The following SUMF1 variants were observed in gnomAD, a reference collection of about 807,000 sequenced individuals.
SUMF1 encodes the protein formylglycine-generating enzyme.
Under a neutral mutation model 47.6 loss-of-function variants are expected in SUMF1, and 48 were observed. The ratio of observed to expected loss-of-function variants is 1.01; its 90% CI spans 0.80 to 1.28. The LOEUF (loss-of-function observed/expected upper bound fraction) is 1.28, where lower values mean the gene tolerates loss of function less well. Ranked by LOEUF, SUMF1 falls within the 50% of genes most tolerant of loss-of-function variation. SUMF1 has a pLI of 0.00. For synonymous variants in SUMF1, 230 were observed against 192.1 expected (o/e 1.20, Z -1.63); for missense variants, 571 against 485.4 (o/e 1.18, Z -1.66).
chr3:4,146,643 G>C lies in SUMF1; in HGVS notation c.1015-77898C>G, dbSNP rs181317967. Among the ~76,000 whole-genome samples the C allele has an allele frequency of 3.2e-3, 485 of 151,646 alleles. 4 individuals carry two copies. The highest frequency in any genetic ancestry group is 0.017 in the Middle Eastern group (5 of 294). Reference sequence around the variant, plus strand: ...GTTGGTGTGCTGCACCCAGTAACTCGTCATTTAACATTAGGTATATCTCCT... The same window carrying C: ...GTTGGTGTGCTGCACCCAGTAACTCCTCATTTAACATTAGGTATATCTCCT... On this transcript the variant is annotated intron_variant and NMD_transcript_variant, in intron 8 of 12. Coordinates refer to the SUMF1 transcript ENST00000448413.
At chr3:4,100,843 G>A (rs1053836695) in intron 8 of SUMF1, among the ~76,000 whole-genome samples, 1 of 151,848 alleles carries the variant, frequency 6.6e-6, no homozygotes, top group Non-Finnish European at 1.5e-5. Context: ...AATGGACAAA[G>A]AACTTTAAAA....
At chr3:4,250,429 T>C (rs945711661) in intron 8 of SUMF1, among the ~76,000 whole-genome samples, 6 of 151,858 alleles carry the variant, frequency 4.0e-5, no homozygotes, top group Non-Finnish European at 8.8e-5. Context: ...AAGTGCAAGG[T>C]GAAGAAGCAA....
intron 9 of SUMF1, among the ~76,000 whole-genome samples, chr3:4,046,978 G>A (rs139664551): frequency 3.9e-5 from 6 of 152,094 alleles, no homozygotes; most frequent in South Asian, 2.1e-4. Context: ...TCACCGCATC[G>A]CTTACCACTA....
At position 4,098,878 on chromosome 3, in the gene SUMF1, T is replaced by C. The variant is rs760059584; in HGVS notation, c.1015-30133A>G. Among the ~76,000 whole-genome samples the C allele has an allele frequency of 1.9e-4, 29 of 152,252 alleles. No individual in the cohort carries two copies. The Middle Eastern group carries it at 0.01, about 54-fold the overall frequency. The stretch of plus-strand genomic sequence containing the variant: ...GAAGCCACAAAGGAATTTCTGACAA[T>C]TGCAATTTTTAAATATGCCAATAAA... On this transcript the variant is annotated intron_variant and NMD_transcript_variant, in intron 8 of 12. Coordinates refer to the SUMF1 transcript ENST00000448413.
At chr3:4,334,092 C>T (rs537409171) in intron 8 of SUMF1, among the ~76,000 whole-genome samples, 1 of 151,672 alleles carries the variant, frequency 6.6e-6, no homozygotes, top group African/African-American at 2.4e-5. Flanking sequence ...TGTGCCACTG[C>T]ACTCTAACCT....
chr3:4,321,170 C>T (rs79383339), intron 8 of SUMF1, among the ~76,000 whole-genome samples: 1,631 of 152,144 alleles, frequency 0.011, 19 homozygotes, highest in African/African-American at 0.036. Context: ...TCAGCATGAA[C>T]TCACATTTAG....
chr3:4,187,229 C>A (rs906210133), intron 8 of SUMF1, among the ~76,000 whole-genome samples: 1 of 152,006 alleles, frequency 6.6e-6, no homozygotes, highest in African/African-American at 2.4e-5. Context: ...CATTAGCCAG[C>A]GCAATGTCAG....
chr3:4,238,491 T>G (rs1296220193), intron 8 of SUMF1, among the ~76,000 whole-genome samples: 2 of 152,214 alleles, frequency 1.3e-5, no homozygotes, highest in African/African-American at 2.4e-5. Context: ...AGATGGTATC[T>G]CATTGTGGTT....
chr3:4,258,227 A>G lies in SUMF1; in HGVS notation c.1014+118103T>C, dbSNP rs554386644. Among the ~76,000 whole-genome samples the G allele has an allele frequency of 4.4e-3, 661 of 149,558 alleles. 6 individuals carry two copies. The highest frequency in any genetic ancestry group is 0.024 in the Middle Eastern group (7 of 292). ...GCAAGGACTTCATGTCCAAAACACC[A>G]AAAGCAATGGCAACAAAAGACAAAA... On this transcript the variant is annotated intron_variant and NMD_transcript_variant, in intron 8 of 12. Coordinates refer to the SUMF1 transcript ENST00000448413.
intron 8 of SUMF1, among the ~76,000 whole-genome samples, chr3:4,130,545 C>T (rs1318742279): frequency 6.6e-6 from 1 of 152,144 alleles, no homozygotes; most frequent in African/African-American, 2.4e-5. Context: ...AGCAAACACA[C>T]TGAACTTATT....
intron 8 of SUMF1, among the ~76,000 whole-genome samples, chr3:4,083,810 A>G (rs1277650066): frequency 6.6e-6 from 1 of 151,488 alleles, no homozygotes. Flanking sequence ...AAATACAAAT[A>G]TGACATCATC....
At chr3:4,312,878 A>G (rs529926620) in intron 8 of SUMF1, 26 of 1,590,654 alleles carry the variant, frequency 1.6e-5, no homozygotes, top group South Asian at 4.6e-5. Flanking sequence ...GCTGACTTAC[A>G]GTGTGTATAT....
intron 1 of SUMF1, 29 bp downstream of exon 1, chr3:4,466,947 C>T (rs777358073): frequency 3.7e-5 from 59 of 1,602,906 alleles, no homozygotes; most frequent in Non-Finnish European, 4.8e-5. Context: ...GAGCAGCCCC[C>T]ACCCGCCTCG....
chr3:4,310,702 C>T (rs115039877), intron 8 of SUMF1, among the ~76,000 whole-genome samples: 2,101 of 152,050 alleles, frequency 0.014, 39 homozygotes, highest in African/African-American at 0.034. Flanking sequence ...GTAAAAATAA[C>T]GAAATAAAAC....
At chr3:4,239,439 T>C (rs1425104751) in intron 8 of SUMF1, among the ~76,000 whole-genome samples, 1 of 152,176 alleles carries the variant, frequency 6.6e-6, no homozygotes, top group Non-Finnish European at 1.5e-5. Flanking sequence ...TTGTGTTCTC[T>C]CTTATTTTCT....
At chr3:4,426,473 G>C (rs1255016060) in intron 3 of SUMF1, among the ~76,000 whole-genome samples, 1 of 152,198 alleles carries the variant, frequency 6.6e-6, no homozygotes, top group Non-Finnish European at 1.5e-5. Context: ...CCTTTTCCAA[G>C]TGTCACTGTT....
intron 8 of SUMF1, among the ~76,000 whole-genome samples, chr3:4,085,306 C>T (rs1008186710): frequency 3.3e-5 from 5 of 152,034 alleles, no homozygotes; most frequent in African/African-American, 1.2e-4. Flanking sequence ...AAGATGACGC[C>T]TTCTAAGAAG....
At chr3:4,429,313 C>T (rs753414686) in intron 3 of SUMF1, among the ~76,000 whole-genome samples, 1 of 152,208 alleles carries the variant, frequency 6.6e-6, no homozygotes, top group Non-Finnish European at 1.5e-5. Flanking sequence ...TAAGAAGGCT[C>T]CACTTAGGTT....
At chr3:4,101,593 C>A (rs1023957737) in intron 8 of SUMF1, among the ~76,000 whole-genome samples, 2 of 152,040 alleles carry the variant, frequency 1.3e-5, no homozygotes, top group African/African-American at 2.4e-5. Flanking sequence ...AGCAAGTCGA[C>A]TACAGTTAAT....
Sources: allele counts gnomAD v4.1 joint callset (sites outside exome capture counted in the v4.1 genomes callset), GRCh38; gene constraint gnomAD v4.1.1; transcripts MANE v1.5; gene names NCBI Gene and HGNC (gene_info 2026-07-23, HGNC 2026-07-21).